The following DAAM2 variants were observed in gnomAD, a reference collection of about 807,000 sequenced individuals.
The protein encoded by DAAM2 is disheveled-associated activator of morphogenesis 2.
Under a neutral mutation model 120.7 loss-of-function variants are expected in DAAM2, and 39 were observed. The ratio of observed to expected loss-of-function variants is 0.32; its 90% CI spans 0.25 to 0.42. The LOEUF (loss-of-function observed/expected upper bound fraction) is 0.42, where lower values mean the gene tolerates loss of function less well. Among genes scored for constraint, DAAM2 ranks in the 10% least tolerant of loss-of-function variants. DAAM2 has a pLI of 1.00. For missense variants in DAAM2, 1,283 were observed against 1,401.7 expected (o/e 0.92, Z 1.35); for synonymous variants, 488 against 524.9 (o/e 0.93, Z 0.96).
intron 14 of DAAM2, chr6:39,883,696 C>T (rs900893372): frequency 4.8e-6 from 2 of 417,922 alleles, no homozygotes; most frequent in African/African-American, 2.0e-5. Flanking sequence ...CCCATCCCCC[C>T]AGCACCCCCC....
chr6:39,829,125 C>T (rs534657278), intron 1 of DAAM2, among the ~76,000 whole-genome samples: 1 of 152,212 alleles, frequency 6.6e-6, no homozygotes, highest in African/African-American at 2.4e-5. Flanking sequence ...CACCCAGGGA[C>T]CAGCTTCACG....
chr6:39,865,742 C>T (rs2149303699), intron 5 of DAAM2, among the ~76,000 whole-genome samples: 1 of 152,242 alleles, frequency 6.6e-6, no homozygotes, highest in South Asian at 2.1e-4. Context: ...TTAAACGTAG[C>T]TATGATTAAA....
Position 39,896,895 on chromosome 6 carries a change from A to G in DAAM2, c.2425A>G (p.Met809Val), listed in dbSNP as rs1766128764. The G allele has an allele frequency of 1.2e-6, 2 of 1,613,822 alleles. No homozygotes were observed. Among genetic ancestry groups the G allele is most frequent in the South Asian group, 1.1e-5 (1 of 91,062 alleles). ...GGTCATCCTAGCCATAGGCAACTTC[A>G]TGAACAAAGGGCAGCGTGGGGGCGC... is the stretch of plus-strand genomic sequence containing the variant. The part of the protein sequence containing the change: ...LEVILAIGNF[M>V]NKGQRGGAYG... Residue 809 changes from methionine (M) to valine (V), a missense_variant, in exon 20 of 25, where the codon ATG becomes GTG. This residue lies in a region of DAAM2 where 748 missense variants were observed against 768.6 expected (regional missense o/e 0.97). Coordinates refer to ENST00000274867, the MANE Select transcript of DAAM2 (RefSeq NM_001201427.2).
chr6:39,854,682 C>T (rs1287592480), intron 1 of DAAM2, among the ~76,000 whole-genome samples: 1 of 152,124 alleles, frequency 6.6e-6, no homozygotes, highest in Non-Finnish European at 1.5e-5. Flanking sequence ...ACAAATTATG[C>T]CACATTTATA....
chr6:39,861,273 A>C (rs1359244698), intron 3 of DAAM2: 1 of 518,966 alleles, frequency 1.9e-6, no homozygotes. Context: ...GCTTGCTGGG[A>C]GACAGACAAA....
At position 39,901,555 on chromosome 6, in the gene DAAM2, G is replaced by A. The variant is rs1766486182; in HGVS notation, c.2982+83G>A. 2.7e-6 allele frequency: 4 copies of A among 1,460,422 alleles called. No individual in the cohort carries two copies. The highest frequency in any genetic ancestry group is 3.7e-6 in the Non-Finnish European group (4 of 1,083,340). The allele number at this position is 1,460,422 out of a possible 1,614,324, so 90.5% of individuals were successfully genotyped here. A position where few individuals can be genotyped will look rare whatever the true frequency, so the allele number is the denominator to read the frequency against. ...ACCCCCAAACTGGGGTGTGTGGGAG[G>A]AGGGCAGAGACTGAGGAACTGAGGA... is the stretch of plus-strand genomic sequence containing the variant. On this transcript the variant is annotated intron_variant, in intron 24 of 24. Coordinates refer to ENST00000274867, the MANE Select transcript of DAAM2 (RefSeq NM_001201427.2). The surrounding 1 kb of genome is among the most constrained non-coding windows in gnomAD (Gnocchi z 4.5).
chr6:39,863,077 C>T (rs1764282178), intron 3 of DAAM2, among the ~76,000 whole-genome samples: 1 of 151,920 alleles, frequency 6.6e-6, no homozygotes, highest in African/African-American at 2.4e-5. Flanking sequence ...GTGGCTCTAC[C>T]ATAGAACATT....
At chr6:39,835,258 T>C (rs796698344) in intron 1 of DAAM2, among the ~76,000 whole-genome samples, 5 of 152,366 alleles carry the variant, frequency 3.3e-5, no homozygotes, top group African/African-American at 1.2e-4. Context: ...CAGACAAATT[T>C]CTAAAGTCTG....
At chr6:39,845,969 A>G (rs1763572029) in intron 1 of DAAM2, among the ~76,000 whole-genome samples, 1 of 152,094 alleles carries the variant, frequency 6.6e-6, no homozygotes, top group Non-Finnish European at 1.5e-5. Flanking sequence ...CAGGGTGGCT[A>G]GGAAAGGGGG....
At chr6:39,882,730 C>G (rs1369042777) in intron 14 of DAAM2, among the ~76,000 whole-genome samples, 1 of 151,754 alleles carries the variant, frequency 6.6e-6, no homozygotes, top group Non-Finnish European at 1.5e-5. Flanking sequence ...CACACACACA[C>G]ACATACACAC....
chr6:39,901,591 G>A lies in DAAM2; in HGVS notation c.2982+119G>A. On this transcript the variant is annotated intron_variant, in intron 24 of 24. Coordinates refer to ENST00000274867, the MANE Select transcript of DAAM2 (RefSeq NM_001201427.2). This position sits in a 1 kb window ranked among gnomAD's most constrained non-coding sequence, Gnocchi z 4.5. ...CTGAGGAACTGAGGAACACCATAGG[G>A]GTTGGATGTCAGCCCCAGGAGAGAG... 8.3e-7 allele frequency: 1 copy of A among 1,202,134 alleles called. No individual in the cohort carries two copies. The highest frequency in any genetic ancestry group is 1.5e-5 in the South Asian group (1 of 65,284). 74.5% of individuals were successfully genotyped at this position (1,202,134 alleles called of 1,614,324 possible).
At position 39,809,185 on chromosome 6, in the gene DAAM2, A is replaced by G. The variant is rs558652962; in HGVS notation, c.-57+16720A>G. ...AGAGCTCTGCCTGCTGGAGCTGTGC[A>G]GGAGGGACCACTTGGCAGGAGCTGT... On this transcript the variant is annotated intron_variant, in intron 1 of 24. Transcript: ENST00000274867. Among the ~76,000 whole-genome samples, 70 of 152,320 alleles carry G rather than the reference A, an allele frequency of 4.6e-4. 3 individuals carry two copies. The highest frequency in any genetic ancestry group is 3.9e-3 in the South Asian group (19 of 4,830).
intron 1 of DAAM2, among the ~76,000 whole-genome samples, chr6:39,805,315 G>A (rs954420249): frequency 1.3e-5 from 2 of 152,030 alleles, no homozygotes; most frequent in African/African-American, 4.8e-5. Context: ...TCTGTAAAAT[G>A]GTGATGGTAA....
At chr6:39,869,968 A>C (rs1013511677) in intron 7 of DAAM2, among the ~76,000 whole-genome samples, 1 of 151,972 alleles carries the variant, frequency 6.6e-6, no homozygotes, top group African/African-American at 2.4e-5. Flanking sequence ...TTATGCTATG[A>C]TCATTTCACA....
rs560356006 is a variant in DAAM2, at chr6:39,836,910, C to A, written c.-56-19337C>A. On this transcript the variant is annotated intron_variant, in intron 1 of 24. Transcript: ENST00000274867. ...AACAATTCCAGCTCTTCTAGAGGCA[C>A]TGCCCTGGTTTCTGGTTTCCAAGAG... Among the ~76,000 whole-genome samples, 3 of 152,324 alleles carry A rather than the reference C, an allele frequency of 2.0e-5. No individual in the cohort carries two copies. In the South Asian group the frequency reaches 6.2e-4, roughly 32 times the overall value.
At chr6:39,805,023 A>T (rs146446739) in intron 1 of DAAM2, among the ~76,000 whole-genome samples, 193 of 152,288 alleles carry the variant, frequency 1.3e-3, no homozygotes, top group African/African-American at 3.7e-3. Context: ...AATTTTTATT[A>T]ATAAGAAAGG....
At chr6:39,847,641 C>T (rs373722019) in intron 1 of DAAM2, among the ~76,000 whole-genome samples, 16 of 152,132 alleles carry the variant, frequency 1.1e-4, no homozygotes, top group Non-Finnish European at 1.6e-4. Context: ...CCCTCATCCT[C>T]TCACTCACGT....
intron 23 of DAAM2, 118 bp downstream of exon 23, chr6:39,900,326 A>G (rs572679990): frequency 2.4e-6 from 3 of 1,228,310 alleles, no homozygotes; most frequent in African/African-American, 3.0e-5. Context: ...GAGCTTTGAG[A>G]GAAAACCGTT....
At chr6:39,819,558 C>T (rs1258355958) in intron 1 of DAAM2, 1 of 152,104 alleles carries the variant, frequency 6.6e-6, no homozygotes, top group Non-Finnish European at 1.5e-5. Context: ...GATTTTAGTG[C>T]TAGGTGCTAG....
Sources: gnomAD v4.1 joint callset for allele counts (sites outside exome capture counted in the v4.1 genomes callset) on GRCh38, gnomAD v4.1.1 for gene constraint, gnomAD v4.1.1 regional missense constraint, Gnocchi (gnomAD v3.1) non-coding constraint, MANE v1.5 for transcripts, NCBI Gene and HGNC (gene_info 2026-07-23, HGNC 2026-07-21) for gene names.